Variants in BCL2L13 observed in about 807,000 individuals in gnomAD.
BCL2L13 encodes bcl-2-like protein 13.
BCL2L13 carries 13 observed loss-of-function variants against 25.8 expected under a neutral mutation model. The observed-to-expected ratio is 0.50, with a 90% CI of 0.33 to 0.80. The LOEUF is 0.80. Ranked by LOEUF, BCL2L13 falls within the 30% of genes least tolerant of loss-of-function variation. The pLI is 0.02. For synonymous variants in BCL2L13, 244 were observed against 230.3 expected (o/e 1.06, Z -0.54); for missense variants, 504 against 574.9 (o/e 0.88, Z 1.26).
At chr22:17,640,749 C>T (rs1271081356) in intron 1 of BCL2L13, among the ~76,000 whole-genome samples, 1 of 151,062 alleles carries the variant, frequency 6.6e-6, no homozygotes, top group Non-Finnish European at 1.5e-5. Flanking sequence ...ACTTGGAAGA[C>T]TGAGGCGAGA....
At chr22:17,693,372 G>GTTTTTTTTTT (rs869268984) in intron 4 of BCL2L13, among the ~76,000 whole-genome samples, 1 of 70,612 alleles carries the variant, frequency 1.4e-5, no homozygotes, top group African/African-American at 5.2e-5. Flanking sequence ...TTTAGTGTTT[G>GTTTTTTTTTT]TTTTTTTTTT....
chr22:17,638,785 T>A lies in BCL2L13; in HGVS notation c.-152T>A, dbSNP rs1254607805. Reference sequence around the variant, plus strand: ...CTCCAACATGGCGGCGGCGGTAGATTAGGGCCGCGGGTCGGAGCACTCACC... The same window carrying A: ...CTCCAACATGGCGGCGGCGGTAGATAAGGGCCGCGGGTCGGAGCACTCACC... On this transcript the variant is annotated 5_prime_UTR_variant, in exon 1 of 7. The change abolishes the stop of an existing upstream ORF in the 5' untranslated region. Transcript: ENST00000317582. 8.1e-7 allele frequency: 1 copy of A among 1,231,558 alleles called. No individual in the cohort carries two copies. The highest frequency in any genetic ancestry group is 1.0e-6 in the Non-Finnish European group (1 of 987,984). 76.3% of individuals were successfully genotyped at this position (1,231,558 alleles called of 1,614,324 possible).
chr22:17,701,094 G>C (rs1289627411), intron 5 of BCL2L13, among the ~76,000 whole-genome samples: 3 of 151,724 alleles, frequency 2.0e-5, no homozygotes, highest in Admixed American at 2.0e-4. Context: ...TTTTCAATAT[G>C]CATTTTTTTT....
At chr22:17,686,295 A>G (rs1403192602) in intron 3 of BCL2L13, among the ~76,000 whole-genome samples, 3 of 151,670 alleles carry the variant, frequency 2.0e-5, no homozygotes, top group Admixed American at 2.0e-4. Flanking sequence ...TAAAAATACA[A>G]AAAAATTAGC....
At chr22:17,721,969 T>C (rs532819080) in intron 6 of BCL2L13, among the ~76,000 whole-genome samples, 10 of 152,328 alleles carry the variant, frequency 6.6e-5, no homozygotes, top group African/African-American at 2.4e-4. Context: ...CAAGAAATTT[T>C]TATGATGCAC....
At chr22:17,719,739 T>G (rs1028672689) in intron 6 of BCL2L13, among the ~76,000 whole-genome samples, 9 of 145,018 alleles carry the variant, frequency 6.2e-5, no homozygotes, top group African/African-American at 2.3e-4. Flanking sequence ...TGAGGCAGGA[T>G]AATCGCTGGA....
chr22:17,646,716 CTTTTTTTTT>C (rs10684670), intron 1 of BCL2L13, among the ~76,000 whole-genome samples: 2 of 89,192 alleles, frequency 2.2e-5, no homozygotes, highest in Non-Finnish European at 4.0e-5. Context: ...AAATATCTGT[CTTTTTTTTT>C]TTTTTTTTTT....
At chr22:17,720,366 C>CT (rs1026647976) in intron 6 of BCL2L13, among the ~76,000 whole-genome samples, 2 of 151,772 alleles carry the variant, frequency 1.3e-5, no homozygotes, top group East Asian at 1.9e-4. Flanking sequence ...TTTAATTTTT[C>CT]TTTTTTTGAG....
At chr22:17,643,907 C>T (rs2058379969) in intron 1 of BCL2L13, among the ~76,000 whole-genome samples, 1 of 150,546 alleles carries the variant, frequency 6.6e-6, no homozygotes, top group Admixed American at 6.6e-5. Context: ...GCCACGGCGC[C>T]CGGCCAACTT....
At chr22:17,682,976 C>CA (rs1159860200) in intron 2 of BCL2L13, among the ~76,000 whole-genome samples, 1 of 151,794 alleles carries the variant, frequency 6.6e-6, no homozygotes, top group East Asian at 1.9e-4. Flanking sequence ...ACTAAAAATA[C>CA]AAAAAAATTA....
rs76001287 is a variant in BCL2L13, at chr22:17,674,135, G to T, written c.122-9079G>T. Among the ~76,000 whole-genome samples the T allele has an allele frequency of 4.2e-3, 643 of 152,254 alleles. 7 individuals are homozygous for T. Among genetic ancestry groups the T allele is most frequent in the African/African-American group, 0.015 (617 of 41,544 alleles). On this transcript the variant is annotated intron_variant, in intron 2 of 6. Coordinates refer to ENST00000317582, the MANE Select transcript of BCL2L13 (RefSeq NM_015367.4). ...TTAAACTTTGTGACACAGACTAAAT[G>T]TATAAATGTTTAAGGTCAGTGATAG... is the stretch of plus-strand genomic sequence containing the variant.
At chr22:17,650,089 C>G (rs1441115244) in intron 1 of BCL2L13, among the ~76,000 whole-genome samples, 1 of 148,372 alleles carries the variant, frequency 6.7e-6, no homozygotes, top group Non-Finnish European at 1.5e-5. Flanking sequence ...AGGCTGGTCT[C>G]GAACTCCTGA....
intron 1 of BCL2L13, among the ~76,000 whole-genome samples, chr22:17,645,581 A>G (rs188363916): frequency 2.6e-5 from 4 of 151,662 alleles, no homozygotes; most frequent in African/African-American, 4.9e-5. Context: ...AAATGTGTCT[A>G]ATTCCTACAA....
At position 17,693,010 on chromosome 22, in the gene BCL2L13, A is replaced by C. The variant is rs1317858476; in HGVS notation, c.387-3131A>C. On this transcript the variant is annotated intron_variant, in intron 4 of 6. Coordinates refer to ENST00000317582, the MANE Select transcript of BCL2L13 (RefSeq NM_015367.4). ...TTCTAATGCTCATTAGCCACATGTG[A>C]CATCGAGACATTGTCATGGCATGTG... 3.3e-5 allele frequency among the ~76,000 whole-genome samples: 5 copies of C among 152,140 alleles called. 1 individual carries two copies. The highest frequency in any genetic ancestry group is 7.3e-5 in the Non-Finnish European group (5 of 68,034).
chr22:17,636,340 A>G (rs1373612292), upstream of BCL2L13, among the ~76,000 whole-genome samples: 3 of 151,800 alleles, frequency 2.0e-5, no homozygotes, highest in Middle Eastern at 3.2e-3. Context: ...AGAAAAAAAA[A>G]AAAAAAAGCT....
chr22:17,702,624 C>T (rs111446960), intron 6 of BCL2L13: 21 of 327,700 alleles, frequency 6.4e-5, no homozygotes, highest in African/African-American at 3.0e-4. Flanking sequence ...TGCTCTATCC[C>T]GTACTTTTTG....
At chr22:17,652,195 CAA>C (rs977888175) in intron 1 of BCL2L13, among the ~76,000 whole-genome samples, 1 of 151,966 alleles carries the variant, frequency 6.6e-6, no homozygotes, top group Non-Finnish European at 1.5e-5. Flanking sequence ...ACACATTAAG[CAA>C]AAAATTTTTT....
At chr22:17,651,698 G>C (rs1383692481) in intron 1 of BCL2L13, among the ~76,000 whole-genome samples, 1 of 146,138 alleles carries the variant, frequency 6.8e-6, no homozygotes, top group Non-Finnish European at 1.5e-5. Flanking sequence ...CTTTCTTAAA[G>C]ACTTTTTTTT....
intron 1 of BCL2L13, among the ~76,000 whole-genome samples, chr22:17,631,702 ATATATTTTTTTTTTTTTTTT>A (rs1568903999): frequency 4.5e-4 from 9 of 20,042 alleles, no homozygotes; most frequent in South Asian, 2.5e-3. Flanking sequence ...ATATATATAT[ATATATTTTTTTTTTTTTTTT>A]TTTTTTTTTT....
Sources: gnomAD v4.1 joint callset for allele counts (sites outside exome capture counted in the v4.1 genomes callset) on GRCh38, gnomAD v4.1.1 for gene constraint, MANE v1.5 for transcripts, NCBI Gene and HGNC (gene_info 2026-07-23, HGNC 2026-07-21) for gene names.